GRM8: variants seen among roughly 807,000 people sequenced by gnomAD.
GRM8 encodes the protein glutamate metabotropic receptor 8.
In GRM8, 47 loss-of-function variants were observed where a neutral mutation model predicts 87.2. The observed-to-expected ratio is 0.54, with a 90% CI of 0.43 to 0.69. The LOEUF (loss-of-function observed/expected upper bound fraction) is 0.69. Ranked by LOEUF, GRM8 falls within the 30% of genes least tolerant of loss-of-function variation. The pLI, the probability that GRM8 is intolerant of heterozygous loss-of-function variation, is 0.00. For missense variants in GRM8, 1,019 were observed against 1,139.2 expected, an observed-to-expected ratio of 0.89 and a Z score of 1.52; for synonymous variants, 396 against 404.5, an observed-to-expected ratio of 0.98 and a Z score of 0.25.
At chr7:126,790,814 G>A (rs6958101) in intron 6 of GRM8, among the ~76,000 whole-genome samples, 2,664 of 152,246 alleles carry the variant, frequency 0.017, 79 homozygotes, top group African/African-American at 0.061. Context: ...GTAAAGTGTG[G>A]ATGCAGACAG....
chr7:126,921,960 C>T (rs1226236247), intron 3 of GRM8, among the ~76,000 whole-genome samples: 1 of 152,030 alleles, frequency 6.6e-6, no homozygotes, highest in East Asian at 1.9e-4. Context: ...GCAGAGTTAA[C>T]AGCCATCAAA....
intron 3 of GRM8, among the ~76,000 whole-genome samples, chr7:126,927,670 C>A (rs1257462373): frequency 6.6e-6 from 1 of 152,126 alleles, no homozygotes; most frequent in Non-Finnish European, 1.5e-5. Context: ...CAATGAGATA[C>A]CATCTCATGC....
intron 6 of GRM8, among the ~76,000 whole-genome samples, chr7:126,814,021 A>G (rs183497247): frequency 9.2e-5 from 14 of 152,056 alleles, no homozygotes; most frequent in Admixed American, 5.2e-4. Context: ...TGGGAGGCCA[A>G]AGTTATTTCC....
In GRM8 at chr7:126,644,603, C is replaced by T. The variant is rs968651106; in HGVS notation, c.1358-35105G>A. Reference sequence around the variant, plus strand: ...TTACCAGACTGTTGCCTAAATCTTCCCTATTCTGGAAGACTGTATATACAG... The same window carrying T: ...TTACCAGACTGTTGCCTAAATCTTCTCTATTCTGGAAGACTGTATATACAG... On this transcript the variant is annotated intron_variant, in intron 7 of 10. Coordinates refer to ENST00000339582, the MANE Select transcript of GRM8 (RefSeq NM_000845.3). Among the ~76,000 whole-genome samples the T allele has an allele frequency of 2.0e-5, 3 of 152,132 alleles. No homozygotes were observed. In the East Asian group the frequency reaches 5.8e-4, roughly 29 times the overall value.
At chr7:126,449,621 T>TAGA (rs1400456524) in intron 9 of GRM8, among the ~76,000 whole-genome samples, 3 of 151,838 alleles carry the variant, frequency 2.0e-5, no homozygotes, top group African/African-American at 7.2e-5. Flanking sequence ...CACTTCAATG[T>TAGA]AGACAGAATA....
At chr7:126,833,082 C>G (rs980072112) in intron 6 of GRM8, among the ~76,000 whole-genome samples, 1 of 152,158 alleles carries the variant, frequency 6.6e-6, no homozygotes, top group African/African-American at 2.4e-5. Context: ...CATAAGGAGT[C>G]TTGAACAATC....
intron 7 of GRM8, among the ~76,000 whole-genome samples, chr7:126,677,641 A>C (rs1807122315): frequency 6.6e-6 from 1 of 152,196 alleles, no homozygotes; most frequent in African/African-American, 2.4e-5. Flanking sequence ...ATAGGAGCTA[A>C]GCTATGGGTA....
chr7:126,734,544 C>T (rs1382403212), intron 7 of GRM8, among the ~76,000 whole-genome samples: 2 of 151,340 alleles, frequency 1.3e-5, no homozygotes, highest in African/African-American at 4.8e-5. Flanking sequence ...TTCCACATCA[C>T]TAAAAAAATT....
intron 2 of GRM8, among the ~76,000 whole-genome samples, chr7:127,193,192 G>A (rs938343055): frequency 3.2e-4 from 48 of 152,108 alleles, no homozygotes; most frequent in African/African-American, 9.7e-4. Context: ...ACACAAATTT[G>A]TTTTTATGCT....
chr7:126,589,833 G>C (rs1436540173), intron 8 of GRM8, among the ~76,000 whole-genome samples: 2 of 152,138 alleles, frequency 1.3e-5, no homozygotes, highest in African/African-American at 4.8e-5. Flanking sequence ...TAGTAGGTAA[G>C]TACTACATCA....
chr7:126,751,302 A>AG (rs1426658892), intron 7 of GRM8, among the ~76,000 whole-genome samples: 2 of 151,806 alleles, frequency 1.3e-5, no homozygotes, highest in Non-Finnish European at 2.9e-5. Flanking sequence ...TTTGAAAAAA[A>AG]AGAAAATATT....
chr7:126,740,982 G>A (rs1814903967), intron 7 of GRM8, among the ~76,000 whole-genome samples: 1 of 152,038 alleles, frequency 6.6e-6, no homozygotes, highest in African/African-American at 2.4e-5. Context: ...GTTGAAAGTG[G>A]GGGAACTTAA....
intron 8 of GRM8, among the ~76,000 whole-genome samples, chr7:126,550,537 A>G (rs1792481129): frequency 3.9e-5 from 6 of 152,192 alleles, no homozygotes; most frequent in Admixed American, 3.9e-4. Context: ...TAAAATTATA[A>G]ACATATAATG....
intron 8 of GRM8, among the ~76,000 whole-genome samples, chr7:126,573,422 G>C (rs1265942611): frequency 6.6e-6 from 1 of 151,944 alleles, no homozygotes; most frequent in African/African-American, 2.4e-5. Flanking sequence ...TCAAAAAGCT[G>C]TAACCAAAAA....
At chr7:127,240,805 G>C (rs1186999386) in intron 2 of GRM8, among the ~76,000 whole-genome samples, 2 of 151,962 alleles carry the variant, frequency 1.3e-5, no homozygotes, top group Non-Finnish European at 2.9e-5. Flanking sequence ...ACAGAACCGG[G>C]GTAGCTGGGA....
rs534350350 is a variant in GRM8, at chr7:126,513,313, T to C, written c.2430+19639A>G. 7.9e-5 allele frequency among the ~76,000 whole-genome samples: 12 copies of C among 152,280 alleles called. No homozygotes were observed. The South Asian group carries it at 2.3e-3, about 29-fold the overall frequency. On this transcript the variant is annotated intron_variant, in intron 9 of 10. Coordinates refer to ENST00000339582, the MANE Select transcript of GRM8 (RefSeq NM_000845.3). ...CTTACCTGACCCTTCGGGTATTTTT[T>C]TTTTAAGAATCCCAGGACAAGCATG...
chr7:126,965,897 T>C (rs1048812307), intron 3 of GRM8, among the ~76,000 whole-genome samples: 2 of 152,110 alleles, frequency 1.3e-5, no homozygotes, highest in East Asian at 3.9e-4. Context: ...GAGTGATTTT[T>C]TTTTTCTTGC....
At chr7:126,454,655 A>G (rs1692532592) in intron 9 of GRM8, among the ~76,000 whole-genome samples, 2 of 151,594 alleles carry the variant, frequency 1.3e-5, no homozygotes, top group Non-Finnish European at 3.0e-5. Context: ...CGGGGTCTTT[A>G]AAGAGGTAAT....
At position 126,831,408 on chromosome 7, in the gene GRM8, C is replaced by T. The variant is rs370642813; in HGVS notation, c.1157-61343G>A. Among the ~76,000 whole-genome samples the T allele has an allele frequency of 1.4e-4, 21 of 152,300 alleles. No homozygotes were observed. The East Asian group carries it at 1.9e-3, about 14-fold the overall frequency. Reference sequence around the variant, plus strand: ...TTACCTAAGCAAGCCTGGGCAATGGCGGGCGCCCCTCCCCCAGCCTCGCCA... The same window carrying T: ...TTACCTAAGCAAGCCTGGGCAATGGTGGGCGCCCCTCCCCCAGCCTCGCCA... On this transcript the variant is annotated intron_variant, in intron 6 of 10. Transcript: ENST00000339582.
Sources: gnomAD v4.1 joint callset for allele counts (sites outside exome capture counted in the v4.1 genomes callset) on GRCh38, gnomAD v4.1.1 for gene constraint, MANE v1.5 for transcripts, NCBI Gene and HGNC (gene_info 2026-07-23, HGNC 2026-07-21) for gene names.